Variants in TTYH2 observed in about 807,000 individuals in gnomAD.
TTYH2 encodes the protein protein tweety homolog 2.
TTYH2 carries 49 observed loss-of-function variants against 68.3 expected under a neutral mutation model. The ratio of observed to expected loss-of-function variants is 0.72; its 90% CI spans 0.57 to 0.91. TTYH2 has a LOEUF of 0.91. TTYH2 is among the 40% of genes least tolerant of loss of function. TTYH2 has a pLI of 0.00. For missense variants in TTYH2, 631 were observed against 700.4 expected, an observed-to-expected ratio of 0.90 and a Z score of 1.12; for synonymous variants, 272 against 300.8, an observed-to-expected ratio of 0.90 and a Z score of 0.99.
In TTYH2 at chr17:74,215,406, G is replaced by T. The variant is rs1043623299; in HGVS notation, c.129+1690G>T. On this transcript the variant is annotated intron_variant, in intron 1 of 13. Transcript: ENST00000269346. This position sits in a 1 kb window ranked among gnomAD's most constrained non-coding sequence, Gnocchi z 4.3. ...CAACAGCTGTGGCTGGTGGATCCTG[G>T]GCCTGCCCACAGCCCCCTCAGTCCC... Among the ~76,000 whole-genome samples, 1 of 152,116 alleles carries T rather than the reference G, an allele frequency of 6.6e-6. No homozygotes were observed. The highest frequency in any genetic ancestry group is 2.4e-5 in the African/African-American group (1 of 41,430).
In TTYH2 at chr17:74,252,357, T is replaced by C. The variant is rs781287262; in HGVS notation, c.1240T>C (p.Trp414Arg). Residue 414 changes from tryptophan to arginine, a missense_variant, in exon 11 of 14, where the codon TGG becomes CGG. Physicochemically the swap from Trp to Arg is moderately radical, Grantham distance 101. Coordinates refer to ENST00000269346, the MANE Select transcript of TTYH2 (RefSeq NM_032646.6). ...CATGATCTGTGCAGGGCCAAGGGCC[T>C]GGAAGCACTTCACCACCAGGTGGGC... Reference protein sequence around the residue: ...STMICAGPRAWKHFTTRNRDY... With the variant: ...STMICAGPRARKHFTTRNRDY... The C allele has an allele frequency of 6.2e-7, 1 of 1,613,728 alleles. No homozygotes were observed. The highest frequency in any genetic ancestry group is 1.1e-5 in the South Asian group (1 of 91,082).
intron 13 of TTYH2, among the ~76,000 whole-genome samples, chr17:74,255,612 T>C (rs1370006645): frequency 6.6e-6 from 1 of 152,002 alleles, no homozygotes; most frequent in Non-Finnish European, 1.5e-5. Flanking sequence ...CCACCACACC[T>C]GGCTAATTTT....
At chr17:74,246,478 T>G (rs2143766036) in intron 6 of TTYH2, among the ~76,000 whole-genome samples, 1 of 151,930 alleles carries the variant, frequency 6.6e-6, no homozygotes, top group Non-Finnish European at 1.5e-5. Flanking sequence ...CACCACTGGC[T>G]TCCTGTGCAT....
Position 74,216,822 on chromosome 17 carries a change from C to T in TTYH2, c.129+3106C>T, listed in dbSNP as rs113552655. Reference sequence around the variant, plus strand: ...AGCCTAGACCTGCAGCCCAAGTCTTCTCACCTTTGACAGATGAGGGGGATT... The same window carrying T: ...AGCCTAGACCTGCAGCCCAAGTCTTTTCACCTTTGACAGATGAGGGGGATT... On this transcript the variant is annotated intron_variant, in intron 1 of 13. Coordinates refer to ENST00000269346, the MANE Select transcript of TTYH2 (RefSeq NM_032646.6). 3.0e-4 allele frequency among the ~76,000 whole-genome samples: 46 copies of T among 152,358 alleles called. 1 individual carries two copies. Among genetic ancestry groups the T allele is most frequent in the African/African-American group, 1.0e-3 (43 of 41,578 alleles).
chr17:74,254,325 G>A (rs150054894), intron 13 of TTYH2, among the ~76,000 whole-genome samples: 11 of 152,128 alleles, frequency 7.2e-5, no homozygotes, highest in South Asian at 2.1e-4. Flanking sequence ...GTGCCACAAC[G>A]CCAGGCTAAT....
intron 12 of TTYH2, among the ~76,000 whole-genome samples, 158 bp from the exon 13 acceptor site, chr17:74,253,597 C>T (rs1423956120): frequency 2.0e-5 from 3 of 152,184 alleles, no homozygotes; most frequent in Non-Finnish European, 4.4e-5. Flanking sequence ...CCAAGGTGCT[C>T]TTCTCCATAT....
Position 74,215,374 on chromosome 17 carries a change from A to G in TTYH2, c.129+1658A>G, listed in dbSNP as rs2050212644. Among the ~76,000 whole-genome samples the G allele has an allele frequency of 6.6e-6, 1 of 152,078 alleles. No individual in the cohort carries two copies. Among genetic ancestry groups the G allele is most frequent in the African/African-American group, 2.4e-5 (1 of 41,400 alleles). ...CCTGATGGCCCCAGAGACAGTTCCTATCAGCCCAACAGCTGTGGCTGGTGG... is the reference window on the plus strand; with the variant it reads ...CCTGATGGCCCCAGAGACAGTTCCTGTCAGCCCAACAGCTGTGGCTGGTGG... On this transcript the variant is annotated intron_variant, in intron 1 of 13. Transcript: ENST00000269346. This position sits in a 1 kb window ranked among gnomAD's most constrained non-coding sequence, Gnocchi z 4.3.
rs1374953870 is a variant in TTYH2, at chr17:74,222,747, C to T, written c.302+90C>T. 6 of 1,374,098 alleles carry T rather than the reference C, an allele frequency of 4.4e-6. No homozygotes were observed. Among genetic ancestry groups the T allele is most frequent in the Admixed American group, 2.7e-5 (1 of 37,288 alleles). The allele number at this position is 1,374,098 out of a possible 1,614,324, so 85.1% of individuals were successfully genotyped here. ...TGACCATGTTCTGACGGAGCTCCAG[C>T]TACCTTGATGGAAAAGCTTGTCCCC... On this transcript the variant is annotated intron_variant, in intron 2 of 13. Coordinates refer to ENST00000269346, the MANE Select transcript of TTYH2 (RefSeq NM_032646.6). This position sits in a 1 kb window ranked among gnomAD's most constrained non-coding sequence, Gnocchi z 5.2.
In TTYH2 at chr17:74,239,942, G is replaced by T. The variant is rs1170005270; in HGVS notation, c.635+2428G>T. Among the ~76,000 whole-genome samples, 1 of 152,248 alleles carries T rather than the reference G, an allele frequency of 6.6e-6. No individual in the cohort carries two copies. The highest frequency in any genetic ancestry group is 1.9e-4 in the East Asian group (1 of 5,206). On this transcript the variant is annotated intron_variant, in intron 4 of 13. Coordinates refer to ENST00000269346, the MANE Select transcript of TTYH2 (RefSeq NM_032646.6). The surrounding 1 kb of genome is among the most constrained non-coding windows in gnomAD (Gnocchi z 5.3). ...TCTTCTCTGAGCACACCTAGCAGAG[G>T]ACTGTGTATGTTTAAGGGCCTCATG... is the stretch of plus-strand genomic sequence containing the variant.
At chr17:74,234,155 G>A (rs959108222) in intron 3 of TTYH2, among the ~76,000 whole-genome samples, 4 of 152,220 alleles carry the variant, frequency 2.6e-5, no homozygotes, top group Admixed American at 6.5e-5. Flanking sequence ...CAGAGGTTCC[G>A]CTTCAGCGGT....
intron 3 of TTYH2, among the ~76,000 whole-genome samples, chr17:74,234,835 T>C (rs1345259488): frequency 1.3e-5 from 2 of 152,252 alleles, no homozygotes; most frequent in African/African-American, 4.8e-5. Flanking sequence ...ATTACTGGGT[T>C]TGTTCAGAAT....
rs139964578 is a variant in TTYH2 at position 74,247,119 on chromosome 17, T to C, written c.805-1892T>C. Among the ~76,000 whole-genome samples, 11 of 149,984 alleles carry C rather than the reference T, an allele frequency of 7.3e-5. No homozygotes were observed. The East Asian group carries it at 2.0e-3, about 27-fold the overall frequency. On this transcript the variant is annotated intron_variant, in intron 6 of 13. Coordinates refer to ENST00000269346, the MANE Select transcript of TTYH2 (RefSeq NM_032646.6). ...ATTGCTTGAACCCGGGAGGTGGACG[T>C]TGCAGTGAGCCAAGATCACGCCACT...
At position 74,230,770 on chromosome 17, in the gene TTYH2, G is replaced by C. The variant is rs974788005; in HGVS notation, c.303-118G>C. On this transcript the variant is annotated intron_variant, in intron 2 of 13. Coordinates refer to ENST00000269346, the MANE Select transcript of TTYH2 (RefSeq NM_032646.6). ...ATTCTATGCCTCAACTCAACCTCCTGAGTAGCTGGGATTACAGGCATGAGC... is the reference window on the plus strand; with the variant it reads ...ATTCTATGCCTCAACTCAACCTCCTCAGTAGCTGGGATTACAGGCATGAGC... The C allele has an allele frequency of 4.2e-5, 41 of 971,170 alleles. No homozygotes were observed. The African/African-American group carries it at 5.9e-4, about 14-fold the overall frequency. 60.2% of individuals were successfully genotyped at this position (971,170 alleles called of 1,614,324 possible). A position where few individuals can be genotyped will look rare whatever the true frequency, so the allele number is the denominator to read the frequency against.
rs144526013 is a variant in TTYH2, at chr17:74,230,929, A to T, written c.344A>T (p.Asn115Ile). ...GVGFYGNSET[N>I]DGAYQLMYSL... ...GGTTTCTATGGAAACAGCGAGACCA[A>T]CGATGGGGCGTACCAGCTGATGTAC... The change falls in exon 3 of 14, where the codon AAC becomes ATC. Residue 115 changes from asparagine to isoleucine, a missense_variant. Transcript: ENST00000269346. 2 of 1,614,104 alleles carry T rather than the reference A, an allele frequency of 1.2e-6. No homozygotes were observed. Among genetic ancestry groups the T allele is most frequent in the African/African-American group, 2.7e-5 (2 of 74,940 alleles).
At chr17:74,253,630 T>C in intron 12 of TTYH2, 125 bp from the exon 13 acceptor site, 1 of 892,922 alleles carries the variant, frequency 1.1e-6, no homozygotes, top group South Asian at 1.5e-5. Context: ...CCCCCTCCAC[T>C]CTATCTGTGG....
At chr17:74,251,711 C>G (rs1359550354) in intron 10 of TTYH2, among the ~76,000 whole-genome samples, 1 of 152,120 alleles carries the variant, frequency 6.6e-6, no homozygotes, top group Non-Finnish European at 1.5e-5. Flanking sequence ...GCAACCAGAG[C>G]AGTCCTTTTG....
intron 2 of TTYH2, among the ~76,000 whole-genome samples, chr17:74,226,680 C>T (rs544634744): frequency 6.6e-6 from 1 of 152,002 alleles, no homozygotes; most frequent in African/African-American, 2.4e-5. Context: ...GGATTGAATC[C>T]GCAGAAGAAA....
rs981478832 is a variant in TTYH2, at chr17:74,241,421, C to T, written c.636-1953C>T. On this transcript the variant is annotated intron_variant, in intron 4 of 13. Transcript: ENST00000269346. The surrounding 1 kb of genome is among the most constrained non-coding windows in gnomAD (Gnocchi z 4.1). ...GGCTCTGCCCACTCCCCAAAGCCCC[C>T]GGCTCCATTCCGGGGAACCCCAGAG... 2.0e-5 allele frequency among the ~76,000 whole-genome samples: 3 copies of T among 152,194 alleles called. No homozygotes were observed. The highest frequency in any genetic ancestry group is 4.8e-5 in the African/African-American group (2 of 41,454).
At chr17:74,230,740 A>G (rs2050379775) in intron 2 of TTYH2, 148 bp from the exon 3 acceptor site, 13 of 683,470 alleles carry the variant, frequency 1.9e-5, no homozygotes, top group Non-Finnish European at 3.1e-5. Flanking sequence ...TCCTGGGTTC[A>G]AGCAATTCTA....
Sources: allele counts gnomAD v4.1 joint callset (sites outside exome capture counted in the v4.1 genomes callset), GRCh38; gene constraint gnomAD v4.1.1; non-coding constraint Gnocchi (gnomAD v3.1); transcripts MANE v1.5; gene names NCBI Gene and HGNC (gene_info 2026-07-23, HGNC 2026-07-21).